ASAP1: variants seen among roughly 807,000 people sequenced by gnomAD.
ASAP1 encodes the protein arf-GAP with SH3 domain, ANK repeat and PH domain-containing protein 1.
A neutral mutation model predicts 145.2 loss-of-function variants in ASAP1; 43 were observed. The ratio of observed to expected loss-of-function variants is 0.30; its 90% CI spans 0.23 to 0.38. ASAP1 has a LOEUF of 0.38. Among genes scored for constraint, ASAP1 ranks in the 10% least tolerant of loss-of-function variants. ASAP1 has a pLI of 1.00. For missense variants in ASAP1, 1,018 were observed against 1,355.3 expected (o/e 0.75, Z 3.91); for synonymous variants, 546 against 515.5 (o/e 1.06, Z -0.80).
rs778509613 is a variant in ASAP1 at position 130,057,941 on chromosome 8, T to G, written c.3315+13A>C. On this transcript the variant is annotated intron_variant, in intron 29 of 29. Transcript: ENST00000518721. ...TGAATGTACGGATGAAGTGGATGGA[T>G]ATTCGTACGTACCCACCACTCCTGG... 1 of 1,613,602 alleles carries G rather than the reference T, an allele frequency of 6.2e-7. No individual in the cohort carries two copies. The highest frequency in any genetic ancestry group is 8.5e-7 in the Non-Finnish European group (1 of 1,179,626).
intron 4 of ASAP1, among the ~76,000 whole-genome samples, chr8:130,221,696 T>A (rs567404970): frequency 6.6e-6 from 1 of 152,168 alleles, no homozygotes; most frequent in Non-Finnish European, 1.5e-5. Context: ...TGTTAATTTG[T>A]CTTTTGTCCA....
intron 1 of ASAP1, among the ~76,000 whole-genome samples, chr8:130,416,363 A>G (rs1210038161): frequency 6.6e-6 from 1 of 152,266 alleles, no homozygotes; most frequent in African/African-American, 2.4e-5. Flanking sequence ...TGCCTGGCCT[A>G]GTAAATGTTT....
intron 3 of ASAP1, among the ~76,000 whole-genome samples, chr8:130,302,614 T>C (rs1010616907): frequency 6.6e-6 from 1 of 152,036 alleles, no homozygotes; most frequent in African/African-American, 2.4e-5. Context: ...TTAATGGCCA[T>C]AGAAAGAAGG....
chr8:130,127,399 T>TA (rs1392347979), intron 16 of ASAP1, among the ~76,000 whole-genome samples: 1 of 152,110 alleles, frequency 6.6e-6, no homozygotes, highest in African/African-American at 2.4e-5. Context: ...GTATTTTTAA[T>TA]AGAGATGGGG....
intron 1 of ASAP1, among the ~76,000 whole-genome samples, chr8:130,423,345 G>C (rs571516032): frequency 7.9e-5 from 12 of 152,222 alleles, no homozygotes; most frequent in Non-Finnish European, 1.6e-4. Context: ...GCCTGGGGCG[G>C]GCAAGAAATG....
chr8:130,279,924 G>A (rs1411266419), intron 3 of ASAP1, among the ~76,000 whole-genome samples: 3 of 152,136 alleles, frequency 2.0e-5, no homozygotes, highest in Non-Finnish European at 4.4e-5. Flanking sequence ...AAGAGGAGAT[G>A]GGAACTAACT....
chr8:130,234,535 T>A (rs1586651382), intron 4 of ASAP1, among the ~76,000 whole-genome samples: 1 of 152,150 alleles, frequency 6.6e-6, no homozygotes, highest in Admixed American at 6.5e-5. Context: ...CTCTCCCTTC[T>A]GTCATACCCA....
intron 1 of ASAP1, among the ~76,000 whole-genome samples, chr8:130,405,247 C>T (rs983771344): frequency 2.0e-5 from 3 of 151,344 alleles, no homozygotes; most frequent in Admixed American, 6.6e-5. Flanking sequence ...AACAATCCTG[C>T]AAGGGAGACA....
At chr8:130,238,045 A>G (rs1195616275) in intron 3 of ASAP1, among the ~76,000 whole-genome samples, 1 of 152,154 alleles carries the variant, frequency 6.6e-6, no homozygotes, top group Non-Finnish European at 1.5e-5. Context: ...ACTGAAGCCC[A>G]CAGAGGCTAA....
chr8:130,283,260 GAAACAAAC>G (rs570711863), intron 3 of ASAP1, among the ~76,000 whole-genome samples: 128 of 151,446 alleles, frequency 8.5e-4, no homozygotes, highest in Non-Finnish European at 9.1e-4. Context: ...AGGATGCCAG[GAAACAAAC>G]AAACAAACAA....
At chr8:130,242,557 G>A (rs759452054) in intron 3 of ASAP1, among the ~76,000 whole-genome samples, 1 of 152,060 alleles carries the variant, frequency 6.6e-6, no homozygotes, top group Non-Finnish European at 1.5e-5. Context: ...GAGGATTGAA[G>A]AGCAATGTGT....
intron 13 of ASAP1, among the ~76,000 whole-genome samples, chr8:130,146,904 C>T (rs1029274541): frequency 6.6e-6 from 1 of 152,050 alleles, no homozygotes; most frequent in African/African-American, 2.4e-5. Flanking sequence ...GTAAAGTACA[C>T]TGAGTAGTAA....
At chr8:130,397,386 C>T (rs2138534375) in intron 2 of ASAP1, among the ~76,000 whole-genome samples, 1 of 152,306 alleles carries the variant, frequency 6.6e-6, no homozygotes, top group Non-Finnish European at 1.5e-5. Flanking sequence ...GGTGATCCGC[C>T]AGCCTTCGCC....
At position 130,091,970 on chromosome 8, in the gene ASAP1, T is replaced by C. The variant is rs762095675; in HGVS notation, c.2572+3A>G. ...CTTTGGCCCTGACTTTAGGATAACT[T>C]ACCCCAAGGAACTGCGCCTTTGTTT... On this transcript the variant is annotated splice_donor_region_variant and intron_variant, in intron 25 of 29. Transcript: ENST00000518721. 7.8e-6 allele frequency: 12 copies of C among 1,538,358 alleles called. No homozygotes were observed. Among genetic ancestry groups the C allele is most frequent in the Non-Finnish European group, 1.0e-5 (12 of 1,149,494 alleles).
At chr8:130,237,785 C>G (rs1197673556) in intron 3 of ASAP1, among the ~76,000 whole-genome samples, 1 of 151,998 alleles carries the variant, frequency 6.6e-6, no homozygotes, top group Non-Finnish European at 1.5e-5. Flanking sequence ...GTGTATCACA[C>G]TCCAAAAACA....
chr8:130,370,530 T>G (rs1257463351), intron 2 of ASAP1, among the ~76,000 whole-genome samples: 1 of 152,140 alleles, frequency 6.6e-6, no homozygotes, highest in Non-Finnish European at 1.5e-5. Flanking sequence ...CAGCCCAAAC[T>G]GACTAAGACA....
At chr8:130,132,948 T>TTG (rs1564997978) in intron 15 of ASAP1, among the ~76,000 whole-genome samples, 1 of 151,968 alleles carries the variant, frequency 6.6e-6, no homozygotes, top group Non-Finnish European at 1.5e-5. Context: ...CCAGAGAAGA[T>TTG]TGTGTGTGTG....
At chr8:130,166,881 T>C (rs1234404114) in intron 11 of ASAP1, among the ~76,000 whole-genome samples, 1 of 152,234 alleles carries the variant, frequency 6.6e-6, no homozygotes, top group Non-Finnish European at 1.5e-5. Context: ...AATATTTCCC[T>C]GGCAAATGAG....
chr8:130,392,386 T>G lies in ASAP1; in HGVS notation c.59+9499A>C, dbSNP rs551836512. Among the ~76,000 whole-genome samples the G allele has an allele frequency of 3.9e-5, 6 of 152,378 alleles. No individual in the cohort carries two copies. In the South Asian group the frequency reaches 1.2e-3, roughly 32 times the overall value. ...AAAAGGGATGTGCATTCATCTGTGT[T>G]ACTTATTCTAATCTTTTTCTATGAA... On this transcript the variant is annotated intron_variant, in intron 2 of 29. Transcript: ENST00000518721.
Sources: gnomAD v4.1 joint callset for allele counts (sites outside exome capture counted in the v4.1 genomes callset) on GRCh38, gnomAD v4.1.1 for gene constraint, MANE v1.5 for transcripts, NCBI Gene and HGNC (gene_info 2026-07-23, HGNC 2026-07-21) for gene names.